The following FRRS1 variants were observed in gnomAD, a reference collection of about 807,000 sequenced individuals.
The protein encoded by FRRS1 is ferric reductase 1.
In FRRS1, 51 loss-of-function variants were observed where a neutral mutation model predicts 70.7. The ratio of observed to expected loss-of-function variants is 0.72; its 90% confidence interval spans 0.58 to 0.91. The LOEUF is 0.91. FRRS1 is among the 40% of genes least tolerant of loss of function. The probability of loss-of-function intolerance (pLI) is 0.00; values close to 1 mark genes in which losing one functional copy is unlikely to be tolerated. For synonymous variants in FRRS1, 225 were observed against 238.7 expected (o/e 0.94, Z 0.53); for missense variants, 672 against 726.0 (o/e 0.93, Z 0.86).
chr1:99,738,909 A>G (rs531420428), intron 6 of FRRS1, among the ~76,000 whole-genome samples: 1 of 152,342 alleles, frequency 6.6e-6, no homozygotes, highest in South Asian at 2.1e-4. Flanking sequence ...CTTGATAAGG[A>G]ATATAAGACG....
chr1:99,715,145 C>A (rs1371681019), intron 12 of FRRS1, among the ~76,000 whole-genome samples: 1 of 152,156 alleles, frequency 6.6e-6, no homozygotes, highest in Admixed American at 6.5e-5. Context: ...GTGTGAACCA[C>A]CACACCCAGC....
chr1:99,752,043 T>C (rs1447559462), intron 1 of FRRS1, among the ~76,000 whole-genome samples: 1 of 152,202 alleles, frequency 6.6e-6, no homozygotes, highest in Non-Finnish European at 1.5e-5. Flanking sequence ...TCAGCCTTCA[T>C]AGAATTAAAC....
chr1:99,729,623 G>T, intron 8 of FRRS1, 27 bp downstream of exon 8: 1 of 1,428,910 alleles, frequency 7.0e-7, no homozygotes, highest in Non-Finnish European at 9.9e-7. Flanking sequence ...GTCTCCAGGT[G>T]GAGGTTCTCA....
intron 1 of FRRS1, among the ~76,000 whole-genome samples, chr1:99,759,198 C>A (rs1436315968): frequency 6.6e-6 from 1 of 152,146 alleles, no homozygotes; most frequent in Non-Finnish European, 1.5e-5. Flanking sequence ...ACTCCCTGTT[C>A]TTACACCCCC....
At chr1:99,743,904 C>A (rs1243574833) in intron 4 of FRRS1, among the ~76,000 whole-genome samples, 5 of 151,936 alleles carry the variant, frequency 3.3e-5, no homozygotes, top group African/African-American at 1.2e-4. Flanking sequence ...GGGGCCCATA[C>A]GAAGTGCCAC....
intron 3 of FRRS1, chr1:99,747,635 T>C: frequency 1.9e-6 from 1 of 515,482 alleles, no homozygotes; most frequent in South Asian, 2.6e-5. Flanking sequence ...CTGTGAGATA[T>C]TAATAGCCAT....
chr1:99,760,532 A>T (rs76558666), intron 1 of FRRS1, among the ~76,000 whole-genome samples: 1,910 of 152,374 alleles, frequency 0.013, 27 homozygotes, highest in Non-Finnish European at 0.019. Flanking sequence ...TGATTTTTTT[A>T]AATTAACAAT....
chr1:99,758,944 A>C (rs576508641), intron 1 of FRRS1, among the ~76,000 whole-genome samples: 9 of 152,244 alleles, frequency 5.9e-5, no homozygotes, highest in African/African-American at 1.9e-4. Context: ...TACCCTCAGA[A>C]TTACTAGGTT....
At chr1:99,744,055 G>A (rs1283604943) in intron 4 of FRRS1, among the ~76,000 whole-genome samples, 1 of 108,640 alleles carries the variant, frequency 9.2e-6, no homozygotes, top group Non-Finnish European at 1.8e-5. Flanking sequence ...TCCAGTATAA[G>A]AACGATTGTA....
intron 10 of FRRS1, among the ~76,000 whole-genome samples, chr1:99,718,479 C>A (rs1021057398): frequency 6.6e-6 from 1 of 152,172 alleles, no homozygotes; most frequent in African/African-American, 2.4e-5. Flanking sequence ...CAGGCGTACA[C>A]CACCATGGCT....
intron 4 of FRRS1, among the ~76,000 whole-genome samples, chr1:99,742,754 GTTC>G (rs1315091956): frequency 6.6e-6 from 1 of 152,154 alleles, no homozygotes; most frequent in African/African-American, 2.4e-5. Flanking sequence ...CTTACTTGAA[GTTC>G]ACCTCCTCCA....
intron 1 of FRRS1, among the ~76,000 whole-genome samples, chr1:99,750,466 T>C (rs981382850): frequency 2.0e-5 from 3 of 152,184 alleles, no homozygotes; most frequent in Non-Finnish European, 4.4e-5. Flanking sequence ...TAAAACATTA[T>C]GATTAAGATG....
intron 6 of FRRS1, 87 bp downstream of exon 6, chr1:99,740,706 A>T: frequency 8.0e-6 from 7 of 873,716 alleles, no homozygotes; most frequent in Non-Finnish European, 1.3e-5. Context: ...CCAAGGCAGG[A>T]GGATCACTTG....
chr1:99,722,056 C>A (rs375682158), intron 9 of FRRS1, among the ~76,000 whole-genome samples: 24 of 152,046 alleles, frequency 1.6e-4, no homozygotes, highest in African/African-American at 5.8e-4. Context: ...GTTGTCCAGG[C>A]TGGAGTGCAG....
At chr1:99,755,085 A>G (rs1028383611) in intron 1 of FRRS1, among the ~76,000 whole-genome samples, 6 of 152,204 alleles carry the variant, frequency 3.9e-5, no homozygotes, top group South Asian at 2.1e-4. Flanking sequence ...AATAATAATA[A>G]TAATAATATG....
chr1:99,743,975 T>C (rs1024079737), intron 4 of FRRS1, among the ~76,000 whole-genome samples: 1 of 151,760 alleles, frequency 6.6e-6, no homozygotes, highest in Admixed American at 6.6e-5. Context: ...AAGAAAAAGC[T>C]GAATTGCTTG....
Position 99,719,587 on chromosome 1 carries a change from T to G in FRRS1, c.1067A>C (p.Asp356Ala). ...GGATCCTCCTATGTTCTTTGGAGAG[T>G]CTGTCACATCATATTTTTCATAGGT... The part of the protein sequence containing the change: ...LITYEKYDVT[D>A]SPKNIGGSHS... The change falls in exon 10 of 17, where the codon GAC (aspartate) becomes GCC (alanine). Residue 356 changes from aspartate (D) to alanine (A), a missense_variant. Transcript: ENST00000646001. 1.9e-6 allele frequency: 3 copies of G among 1,611,888 alleles called. No individual in the cohort carries two copies.
At chr1:99,742,045 G>T in intron 5 of FRRS1, 134 bp downstream of exon 5, 1 of 579,758 alleles carries the variant, frequency 1.7e-6, no homozygotes, top group East Asian at 2.8e-5. Flanking sequence ...TTTAGAGATG[G>T]GGTTTCACCA....
intron 5 of FRRS1, among the ~76,000 whole-genome samples, chr1:99,741,897 CATCAGGAAGGTTGTGTTAT>C (rs1310630771): frequency 1.3e-5 from 2 of 152,224 alleles, no homozygotes; most frequent in African/African-American, 4.8e-5. Flanking sequence ...CAAACTCCTA[CATCAGGAAGGTTGTGTTAT>C]TACTATACCA....
Sources: allele counts gnomAD v4.1 joint callset (sites outside exome capture counted in the v4.1 genomes callset), GRCh38; gene constraint gnomAD v4.1.1; transcripts MANE v1.5; gene names NCBI Gene and HGNC (gene_info 2026-07-23, HGNC 2026-07-21).